ANAPC11: variants seen among roughly 807,000 people sequenced by gnomAD.
ANAPC11 encodes anaphase-promoting complex subunit 11.
Under a neutral mutation model 11.8 loss-of-function variants are expected in ANAPC11, and 5 were observed. That is an observed-to-expected ratio of 0.42 (90% confidence interval 0.22 to 0.89). The LOEUF is 0.89. Among genes scored for constraint, ANAPC11 ranks in the 40% least tolerant of loss-of-function variants. The pLI is 0.28. For missense variants in ANAPC11, 68 were observed against 112.9 expected (o/e 0.60, Z 1.80); for synonymous variants, 45 against 41.0 (o/e 1.10, Z -0.38).
chr17:81,895,898 C>T (rs563464208), intron 3 of ANAPC11, among the ~76,000 whole-genome samples: 3 of 151,870 alleles, frequency 2.0e-5, no homozygotes, highest in Admixed American at 6.5e-5. Flanking sequence ...GCCTGGGAGA[C>T]GGGGGTTGCA....
chr17:81,895,050 C>CTTTTTTTTTTT (rs766422017), intron 3 of ANAPC11, among the ~76,000 whole-genome samples: 17 of 85,066 alleles, frequency 2.0e-4, no homozygotes, highest in African/African-American at 6.1e-4. Context: ...TCTTTCTTTT[C>CTTTTTTTTTTT]TTTTTTTTTT....
At chr17:81,895,534 G>A (rs895652713) in intron 3 of ANAPC11, among the ~76,000 whole-genome samples, 8 of 152,334 alleles carry the variant, frequency 5.3e-5, no homozygotes, top group South Asian at 2.1e-4. Flanking sequence ...GATGGAGGCC[G>A]GCATGGCGGC....
upstream of ANAPC11, chr17:81,890,850 C>T (rs1259123840): frequency 4.3e-6 from 7 of 1,613,892 alleles, no homozygotes; most frequent in African/African-American, 1.3e-5. Context: ...AAGAGCAGAT[C>T]TGTGAGTCTC....
upstream of ANAPC11, chr17:81,890,843 A>G: frequency 6.2e-7 from 1 of 1,613,414 alleles, no homozygotes; most frequent in Non-Finnish European, 8.5e-7. Flanking sequence ...CCGCAACAAG[A>G]GCAGATCTGT....
rs2039667358 is a variant in ANAPC11, at chr17:81,894,558, G to GATGGC, written c.84_88dup (p.Phe30TrpfsTer86). ...ACGATGAGAACTGTGGCATCTGCAGGATGGCATTTAACGGATGCTGCCCTG... is the reference window on the plus strand; with the variant it reads ...ACGATGAGAACTGTGGCATCTGCAGGATGGCATGGCATTTAACGGATGCTGCCCTG... On this transcript the variant is annotated frameshift_variant, in exon 3 of 4. Coordinates refer to ENST00000344877, the MANE Select transcript of ANAPC11 (RefSeq NM_001002248.3). LOFTEE classifies it high-confidence loss of function. 1 of 1,611,862 alleles carries GATGGC rather than the reference G, an allele frequency of 6.2e-7. No homozygotes were observed. The highest frequency in any genetic ancestry group is 8.5e-7 in the Non-Finnish European group (1 of 1,178,560).
intron 3 of ANAPC11, chr17:81,899,220 C>G (rs771963363): frequency 6.2e-7 from 1 of 1,606,138 alleles, no homozygotes. Flanking sequence ...ATGGCTGATA[C>G]AAGCATCCCT....
intron 3 of ANAPC11, among the ~76,000 whole-genome samples, chr17:81,895,541 C>T (rs754287047): frequency 1.3e-4 from 20 of 152,118 alleles, no homozygotes; most frequent in Non-Finnish European, 2.5e-4. Flanking sequence ...GCCGGCATGG[C>T]GGCCCACGCC....
At chr17:81,891,027 TA>T, upstream of ANAPC11, 1 of 766,666 alleles carries the variant, frequency 1.3e-6, no homozygotes, top group Non-Finnish European at 2.0e-6. Context: ...TCCCTTAGAC[TA>T]ACTTCCCGCC....
chr17:81,900,180 G>A lies in ANAPC11; in HGVS notation c.*115G>A. On this transcript the variant is annotated 3_prime_UTR_variant, in exon 4 of 4. Transcript: ENST00000344877. ...CAACAAGGTGGAAACAAGGGCTGGA[G>A]CTGCGTTTGTTTTGCCATCACTATG... 1 of 1,483,000 alleles carries A rather than the reference G, an allele frequency of 6.7e-7. No individual in the cohort carries two copies. The highest frequency in any genetic ancestry group is 1.2e-5 in the South Asian group (1 of 80,910). 91.9% of individuals were successfully genotyped at this position (1,483,000 alleles called of 1,614,324 possible).
chr17:81,900,106 C>T lies in ANAPC11; in HGVS notation c.*41C>T, dbSNP rs2039892893. 6.2e-7 allele frequency: 1 copy of T among 1,609,544 alleles called. No individual in the cohort carries two copies. The stretch of plus-strand genomic sequence containing the variant: ...TCGCTGGAGGGGCATCCTGAGACTC[C>T]TTCCTCATGCTGGCGCCGATGGCTG... On this transcript the variant is annotated 3_prime_UTR_variant, in exon 4 of 4. Transcript: ENST00000344877.
chr17:81,894,413 C>T (rs568316667), intron 2 of ANAPC11, 54 bp from the exon 3 acceptor site: 9 of 1,097,370 alleles, frequency 8.2e-6, no homozygotes, highest in African/African-American at 4.7e-5. Flanking sequence ...GGTGCCTAAA[C>T]GTTCTAGCTC....
chr17:81,899,628 C>G, intron 3 of ANAPC11: 1 of 1,437,882 alleles, frequency 7.0e-7, no homozygotes, highest in South Asian at 1.3e-5. Flanking sequence ...AGAGAGGCCC[C>G]TGGGCTCCCC....
intron 2 of ANAPC11, 114 bp from the exon 3 acceptor site, chr17:81,894,353 T>C (rs1360907584): frequency 6.2e-6 from 3 of 483,066 alleles, no homozygotes; most frequent in Admixed American, 3.7e-5. Context: ...CTTCCTGCCT[T>C]GGCCCCCTGA....
At chr17:81,891,091 C>T (rs2039515488), upstream of ANAPC11, 1 of 673,594 alleles carries the variant, frequency 1.5e-6, no homozygotes, top group Non-Finnish European at 2.4e-6. Flanking sequence ...CCCCAACGTC[C>T]GGAACAAACA....
intron 1 of ANAPC11, among the ~76,000 whole-genome samples, chr17:81,892,723 A>T (rs1247273824): frequency 2.0e-5 from 3 of 151,874 alleles, no homozygotes; most frequent in Non-Finnish European, 2.9e-5. Flanking sequence ...GGGTTTCGCC[A>T]TGTTGGCCAG....
intron 3 of ANAPC11, among the ~76,000 whole-genome samples, chr17:81,896,798 C>CTTTTTT (rs1156391578): frequency 2.3e-5 from 1 of 42,912 alleles, no homozygotes; most frequent in African/African-American, 1.0e-4. Context: ...GCCTCCTTTG[C>CTTTTTT]TTTTTTTTTT....
upstream of ANAPC11, chr17:81,891,377 G>A: frequency 2.6e-6 from 3 of 1,140,432 alleles, no homozygotes; most frequent in African/African-American, 1.7e-5. Flanking sequence ...CGCCGCGGGC[G>A]ATGGCCGGCC....
Position 81,894,460 on chromosome 17 carries a change from G to A in ANAPC11, c.-11-7G>A, listed in dbSNP as rs150002435. On this transcript the variant is annotated splice_region_variant and splice_polypyrimidine_tract_variant and intron_variant, in intron 2 of 3. Transcript: ENST00000344877. ...TTTAGCCAGTCGTCCTGTTCCCTCC[G>A]CCGCAGGCTCTGCTGCCATGAAGGT... is the stretch of plus-strand genomic sequence containing the variant. 1,671 of 1,583,706 alleles carry A rather than the reference G, an allele frequency of 1.1e-3. 17 individuals carry two copies. The African/African-American group carries it at 0.018, about 17-fold the overall frequency.
At chr17:81,891,366 G>A, upstream of ANAPC11, 5 of 1,149,774 alleles carry the variant, frequency 4.3e-6, no homozygotes, top group Non-Finnish European at 5.4e-6. Context: ...TCCGCCGGCC[G>A]CGCCGCGGGC....
Sources: allele counts gnomAD v4.1 joint callset (sites outside exome capture counted in the v4.1 genomes callset), GRCh38; gene constraint gnomAD v4.1.1; transcripts MANE v1.5; gene names NCBI Gene and HGNC (gene_info 2026-07-23, HGNC 2026-07-21).